Variants in ARHGAP12 observed in about 807,000 individuals in gnomAD.
ARHGAP12 encodes the protein Rho GTPase activating protein 12.
ARHGAP12 carries 64 observed loss-of-function variants against 108.6 expected under a neutral mutation model. The observed-to-expected ratio is 0.59, with a 90% CI of 0.48 to 0.73. The LOEUF (loss-of-function observed/expected upper bound fraction) is 0.73. Ranked by LOEUF, ARHGAP12 falls within the 30% of genes least tolerant of loss-of-function variation. The probability of loss-of-function intolerance (pLI) is 0.00; values close to 1 mark genes in which losing one functional copy is unlikely to be tolerated. For synonymous variants in ARHGAP12, 312 were observed against 337.2 expected (o/e 0.93, Z 0.82); for missense variants, 940 against 1,005.9 (o/e 0.93, Z 0.89).
chr10:31,908,921 A>T lies in ARHGAP12; in HGVS notation c.-66T>A, dbSNP rs2132458481. On this transcript the variant is annotated 5_prime_UTR_variant, in exon 3 of 20. Coordinates refer to ENST00000344936, the MANE Select transcript of ARHGAP12 (RefSeq NM_018287.7). ...TATGGCTTTATGGCTTGTTGGATGAATATAGCTGTTTTATTTAAATGGAGA... is the reference window on the plus strand; with the variant it reads ...TATGGCTTTATGGCTTGTTGGATGATTATAGCTGTTTTATTTAAATGGAGA... 1.5e-6 allele frequency: 2 copies of T among 1,375,442 alleles called. No homozygotes were observed. The highest frequency in any genetic ancestry group is 4.6e-5 in the Admixed American group (2 of 43,822). 85.2% of individuals were successfully genotyped at this position (1,375,442 alleles called of 1,614,324 possible).
intron 9 of ARHGAP12, among the ~76,000 whole-genome samples, chr10:31,832,455 G>T (rs1384845991): frequency 6.6e-6 from 1 of 152,148 alleles, no homozygotes; most frequent in African/African-American, 2.4e-5. Context: ...CCCTATGAAG[G>T]CAGAAGCCAC....
chr10:31,858,081 G>A (rs934738739), intron 4 of ARHGAP12, among the ~76,000 whole-genome samples: 2 of 152,258 alleles, frequency 1.3e-5, no homozygotes, highest in East Asian at 3.9e-4. Flanking sequence ...GTTCATGCTT[G>A]TAGTCCCAGC....
chr10:31,917,349 T>G (rs536126131), intron 1 of ARHGAP12, among the ~76,000 whole-genome samples: 2 of 152,150 alleles, frequency 1.3e-5, no homozygotes, highest in Non-Finnish European at 2.9e-5. Flanking sequence ...GAGGTTGCAG[T>G]GAGCCAAGAT....
At chr10:31,812,401 C>T (rs563850321) in intron 15 of ARHGAP12, among the ~76,000 whole-genome samples, 1 of 152,166 alleles carries the variant, frequency 6.6e-6, no homozygotes, top group East Asian at 1.9e-4. Context: ...GTGATCTTTG[C>T]ATCTCAAAAC....
In ARHGAP12 at chr10:31,849,477, A is replaced by G. The variant is rs149515075; in HGVS notation, c.1170+3040T>C. On this transcript the variant is annotated intron_variant, in intron 6 of 19. Coordinates refer to ENST00000344936, the MANE Select transcript of ARHGAP12 (RefSeq NM_018287.7). Reference sequence around the variant, plus strand: ...AGATGTGTTCAGAAAATATTAAACTAAATTTTAATATCTGCATGGGGGTTA... The same window carrying G: ...AGATGTGTTCAGAAAATATTAAACTGAATTTTAATATCTGCATGGGGGTTA... 2.8e-3 allele frequency among the ~76,000 whole-genome samples: 419 copies of G among 152,352 alleles called. 2 individuals carry two copies. The highest frequency in any genetic ancestry group is 0.017 in the Middle Eastern group (5 of 294).
intron 1 of ARHGAP12, among the ~76,000 whole-genome samples, chr10:31,922,119 T>C (rs192245503): frequency 9.7e-4 from 133 of 137,186 alleles, no homozygotes; most frequent in Middle Eastern, 3.9e-3. Flanking sequence ...AGGCAAAGGC[T>C]GCAGCGAGCT....
At chr10:31,845,734 G>A (rs757653392) in intron 6 of ARHGAP12, among the ~76,000 whole-genome samples, 1 of 152,018 alleles carries the variant, frequency 6.6e-6, no homozygotes, top group Non-Finnish European at 1.5e-5. Flanking sequence ...GCAGCGAACC[G>A]AAATTTCACC....
Position 31,806,846 on chromosome 10 carries a change from G to A in ARHGAP12, c.*812C>T, listed in dbSNP as rs1834838551. 2 of 152,368 alleles carry A rather than the reference G, an allele frequency of 1.3e-5. No individual in the cohort carries two copies. Among genetic ancestry groups the A allele is most frequent in the Admixed American group, 6.6e-5 (1 of 15,254 alleles). 9.4% of individuals were successfully genotyped at this position (152,368 alleles called of 1,614,324 possible). A position where few individuals can be genotyped will look rare whatever the true frequency, so the allele number is the denominator to read the frequency against. Reference sequence around the variant, plus strand: ...CTATACAACACAATTATATACACAAGCTAAAGGACATTAAGTCTTTAGCCT... The same window carrying A: ...CTATACAACACAATTATATACACAAACTAAAGGACATTAAGTCTTTAGCCT... On this transcript the variant is annotated 3_prime_UTR_variant, in exon 20 of 20. Coordinates refer to ENST00000344936, the MANE Select transcript of ARHGAP12 (RefSeq NM_018287.7).
At chr10:31,884,950 A>AT (rs955861145) in intron 3 of ARHGAP12, among the ~76,000 whole-genome samples, 30 of 151,270 alleles carry the variant, frequency 2.0e-4, no homozygotes, top group Admixed American at 6.6e-4. Context: ...TTATTTTCTT[A>AT]TTTTTTTTTA....
intron 3 of ARHGAP12, among the ~76,000 whole-genome samples, chr10:31,896,606 A>C (rs1310040378): frequency 6.6e-6 from 1 of 152,174 alleles, no homozygotes; most frequent in Non-Finnish European, 1.5e-5. Flanking sequence ...AACGAACATC[A>C]ATGTGATTAT....
intron 3 of ARHGAP12, among the ~76,000 whole-genome samples, chr10:31,868,927 A>G (rs1837436609): frequency 6.6e-6 from 1 of 152,106 alleles, no homozygotes; most frequent in Non-Finnish European, 1.5e-5. Flanking sequence ...CAATAAATAC[A>G]TATTTTTAAG....
chr10:31,861,519 T>C lies in ARHGAP12; in HGVS notation c.824A>G (p.Lys275Arg). The change falls in exon 4 of 20, where the codon AAA becomes AGA. Residue 275 changes from lysine to arginine, a missense_variant. Lys to Arg is a conservative substitution (Grantham distance 26). Coordinates refer to ENST00000344936, the MANE Select transcript of ARHGAP12 (RefSeq NM_018287.7). ...IQINGEWETH[K>R]DSSGRCYYYN... ...GTAATAGCAACGCCCTGAGCTGTCTTTATGAGTTTCCCATTCTCCATTAAT... is the reference window on the plus strand; with the variant it reads ...GTAATAGCAACGCCCTGAGCTGTCTCTATGAGTTTCCCATTCTCCATTAAT... 6.2e-7 allele frequency: 1 copy of C among 1,614,158 alleles called. No homozygotes were observed. The highest frequency in any genetic ancestry group is 8.5e-7 in the Non-Finnish European group (1 of 1,180,028).
Position 31,854,079 on chromosome 10 carries a change from T to G in ARHGAP12, c.1076A>C (p.Tyr359Ser). The G allele has an allele frequency of 6.2e-7, 1 of 1,608,100 alleles. No individual in the cohort carries two copies. The change falls in exon 5 of 20, where the codon TAT becomes TCT. Residue 359 changes from tyrosine (Y) to serine (S), a missense_variant. Physicochemically the swap from Tyr to Ser is moderately radical, Grantham distance 144. Transcript: ENST00000344936. ...ERGHTLYTSD[Y>S]TNEKWLKHVD... ...AAAAGAATGTACCTTTTCATTAGTA[T>G]AGTCACTGGTATATAAGGTATGCCC...
At chr10:31,842,777 A>G (rs1365398775) in intron 7 of ARHGAP12, among the ~76,000 whole-genome samples, 1 of 152,118 alleles carries the variant, frequency 6.6e-6, no homozygotes, top group East Asian at 1.9e-4. Flanking sequence ...TTACATTTCA[A>G]AATCAATATA....
intron 3 of ARHGAP12, among the ~76,000 whole-genome samples, chr10:31,880,289 C>T (rs193200261): frequency 7.4e-4 from 113 of 152,138 alleles, no homozygotes; most frequent in Non-Finnish European, 1.1e-3. Context: ...CTCTTAAAGT[C>T]CCTAGTTCAA....
intron 5 of ARHGAP12, 103 bp from the exon 6 acceptor site, chr10:31,852,700 C>T (rs1386920286): frequency 3.8e-5 from 21 of 552,322 alleles, no homozygotes; most frequent in Non-Finnish European, 5.4e-5. Context: ...TTTTATTCTA[C>T]TTGATCAAGA....
At chr10:31,843,794 G>A (rs2132239436) in intron 6 of ARHGAP12, among the ~76,000 whole-genome samples, 1 of 152,284 alleles carries the variant, frequency 6.6e-6, no homozygotes, top group Admixed American at 6.5e-5. Flanking sequence ...GTGTTACACA[G>A]ACCAAGGTAG....
At chr10:31,862,788 G>A (rs1196725419) in intron 3 of ARHGAP12, among the ~76,000 whole-genome samples, 1 of 151,320 alleles carries the variant, frequency 6.6e-6, no homozygotes, top group Non-Finnish European at 1.5e-5. Context: ...TCCAGACACT[G>A]ATGAATGTCC....
In ARHGAP12 at chr10:31,812,706, C is replaced by T; in HGVS notation, c.1951+1G>A. 2 of 1,578,430 alleles carry T rather than the reference C, an allele frequency of 1.3e-6. No homozygotes were observed. The highest frequency in any genetic ancestry group is 1.7e-6 in the Non-Finnish European group (2 of 1,156,860). Reference sequence around the variant, plus strand: ...TTATCAACAATACTTCTCCTACCAACCTTTAATATAACCTTTTTCACGAAC... The same window carrying T: ...TTATCAACAATACTTCTCCTACCAATCTTTAATATAACCTTTTTCACGAAC... On this transcript the variant is annotated splice_donor_variant, in intron 15 of 19. Transcript: ENST00000344936. LOFTEE classifies it high-confidence loss of function.
Sources: allele counts gnomAD v4.1 joint callset (sites outside exome capture counted in the v4.1 genomes callset), GRCh38; gene constraint gnomAD v4.1.1; transcripts MANE v1.5; gene names NCBI Gene and HGNC (gene_info 2026-07-23, HGNC 2026-07-21).